The following CST5 variants were observed in gnomAD, a reference collection of about 807,000 sequenced individuals.
The protein encoded by CST5 is cystatin D.
CST5 carries 13 observed loss-of-function variants against 11.5 expected under a neutral mutation model. That is an observed-to-expected ratio of 1.13 (90% CI 0.73 to 1.79). CST5 has a LOEUF of 1.79. Among genes scored for constraint, CST5 ranks in the 40% most tolerant of loss-of-function variants. CST5 has a pLI of 0.00. For synonymous variants in CST5, 81 were observed against 67.6 expected (o/e 1.20, Z -0.97); for missense variants, 219 against 174.5 (o/e 1.25, Z -1.44).
intron 1 of CST5, among the ~76,000 whole-genome samples, chr20:23,878,097 C>A (rs1289495655): frequency 6.6e-6 from 1 of 152,166 alleles, no homozygotes; most frequent in Non-Finnish European, 1.5e-5. Context: ...AGGAAGGCTG[C>A]CACCTGATGA....
At chr20:23,876,325 G>T (rs1450278687) in intron 2 of CST5, 54 bp from the exon 3 acceptor site, 9 of 1,425,776 alleles carry the variant, frequency 6.3e-6, no homozygotes, top group Non-Finnish European at 8.9e-6. Flanking sequence ...TAAAGCCAAA[G>T]ATGCCCAGGA....
intron 2 of CST5, 75 bp from the exon 3 acceptor site, chr20:23,876,346 AGAATGGGGGT>A: frequency 8.3e-7 from 1 of 1,201,090 alleles, no homozygotes; most frequent in South Asian, 1.3e-5. Flanking sequence ...ATGGGACATC[AGAATGGGGGT>A]GAAAATGGTT....
In CST5 at chr20:23,876,016, G is replaced by A. The variant is rs1568569012; in HGVS notation, c.*172C>T. The A allele has an allele frequency of 3.6e-6, 2 of 559,904 alleles. No homozygotes were observed. Among genetic ancestry groups the A allele is most frequent in the African/African-American group, 1.9e-5 (1 of 53,604 alleles). 34.7% of individuals were successfully genotyped at this position (559,904 alleles called of 1,614,324 possible). ...ATGAGAAGCAAGAAGGAAGGAGCAA[G>A]GGCAGAGCCTCCTGCTGAGCAACAA... On this transcript the variant is annotated 3_prime_UTR_variant, in exon 3 of 3. Transcript: ENST00000304710.
intron 2 of CST5, among the ~76,000 whole-genome samples, chr20:23,876,522 G>T (rs1005322835): frequency 2.0e-5 from 3 of 152,174 alleles, no homozygotes; most frequent in Non-Finnish European, 4.4e-5. Context: ...TCCTGTCCCA[G>T]CGCAGCCCTA....
chr20:23,877,545 A>G lies in CST5; in HGVS notation c.305T>C (p.Leu102Ser). ...CTGGTCATTGAAGGGACAGTTGTCC[A>G]AGTTGGGCTGGGACTTGGTGCATGT... ...RTTCTKSQPN[L>S]DNCPFNDQPK... Residue 102 changes from leucine (L) to serine (S), a missense_variant, in exon 2 of 3, where the codon TTG (leucine) becomes TCG (serine). Transcript: ENST00000304710. The G allele has an allele frequency of 6.2e-7, 1 of 1,614,174 alleles. No individual in the cohort carries two copies. Among genetic ancestry groups the G allele is most frequent in the Non-Finnish European group, 8.5e-7 (1 of 1,180,012 alleles).
chr20:23,876,334 G>A lies in CST5; in HGVS notation c.346-63C>T, dbSNP rs902486732. 7 of 1,317,232 alleles carry A rather than the reference G, an allele frequency of 5.3e-6. No homozygotes were observed. In the African/African-American group the frequency reaches 8.7e-5, roughly 16 times the overall value. 81.6% of individuals were successfully genotyped at this position (1,317,232 alleles called of 1,614,324 possible). Reference sequence around the variant, plus strand: ...TACAGTTAAAGCCAAAGATGCCCAGGAATGGGACATCAGAATGGGGGTGAA... The same window carrying A: ...TACAGTTAAAGCCAAAGATGCCCAGAAATGGGACATCAGAATGGGGGTGAA... On this transcript the variant is annotated intron_variant, in intron 2 of 2. Transcript: ENST00000304710.
At chr20:23,878,182 T>C (rs538738885) in intron 1 of CST5, among the ~76,000 whole-genome samples, 2 of 152,288 alleles carry the variant, frequency 1.3e-5, no homozygotes, top group East Asian at 3.9e-4. Context: ...AACCCAGAGG[T>C]ATTTTTCCTC....
At position 23,879,508 on chromosome 20, in the gene CST5, T is replaced by A. The variant is rs1341689626; in HGVS notation, c.169A>T (p.Lys57Ter). 6.2e-7 allele frequency: 1 copy of A among 1,613,880 alleles called. No individual in the cohort carries two copies. Reference sequence around the variant, plus strand: ...TAGTACTCATCCTTATTAATGACCTTGTTGTACTCGCTGATGGCAAAGTCC... The same window carrying A: ...TAGTACTCATCCTTATTAATGACCTAGTTGTACTCGCTGATGGCAAAGTCC... ...ALDFAISEYN[K>*]VINKDEYYSR... Residue 57 changes from lysine (K) to a stop codon, truncating the protein, a stop_gained, in exon 1 of 3, where the codon AAG (lysine) becomes TAG (stop). Transcript: ENST00000304710. LOFTEE classifies it high-confidence loss of function.
At chr20:23,876,542 GC>G (rs1260818237) in intron 2 of CST5, among the ~76,000 whole-genome samples, 1 of 152,208 alleles carries the variant, frequency 6.6e-6, no homozygotes, top group Non-Finnish European at 1.5e-5. Context: ...ATGAGGAGCA[GC>G]CTGTGCAAGG....
chr20:23,879,548 A>C lies in CST5; in HGVS notation c.129T>G (p.Ser43Arg). 1 of 1,613,768 alleles carries C rather than the reference A, an allele frequency of 6.2e-7. No individual in the cohort carries two copies. Among genetic ancestry groups the C allele is most frequent in the South Asian group, 1.1e-5 (1 of 91,054 alleles). ...TGGCAAAGTCCAGGGCACACTGCAC[A>C]CTCTTGTCATTGAGGTCTGTGGCAT... ...GIHATDLNDKSVQCALDFAIS... is the reference protein window; with the variant it reads ...GIHATDLNDKRVQCALDFAIS... The change falls in exon 1 of 3, where the codon AGT becomes AGG. Residue 43 changes from serine (S) to arginine (R), a missense_variant. Ser to Arg is a moderately radical substitution (Grantham distance 110, BLOSUM62 -1). Transcript: ENST00000304710.
chr20:23,876,214 G>A lies in CST5; in HGVS notation c.403C>T (p.Leu135=), dbSNP rs775104063. 6.8e-6 allele frequency: 11 copies of A among 1,613,944 alleles called. 1 individual carries two copies. In the South Asian group the frequency reaches 8.8e-5, roughly 13 times the overall value. ...TAGACTTTCCGGCACTTGTAGTTCA[G>A]AATGGAAATTTTATCCTCCCAGGGA... is the stretch of plus-strand genomic sequence containing the variant. ...EVPWEDKISI[L]NYKCRKV is the part of the protein sequence containing the mutation. The change falls in exon 3 of 3, where the codon CTG becomes TTG. Residue 135 remains leucine (L), a synonymous_variant. Coordinates refer to ENST00000304710, the MANE Select transcript of CST5 (RefSeq NM_001900.5).
chr20:23,877,528 T>C lies in CST5; in HGVS notation c.322A>G (p.Asn108Asp). The change falls in exon 2 of 3, where the codon AAT (asparagine) becomes GAT (aspartate). Residue 108 changes from asparagine (N) to aspartate (D), a missense_variant. Asn to Asp is a conservative substitution (Grantham distance 23). Transcript: ENST00000304710. ...ACCTCTTTCAGTTTTGGCTGGTCAT[T>C]GAAGGGACAGTTGTCCAAGTTGGGC... ...SQPNLDNCPF[N>D]DQPKLKEEEF... 5 of 1,614,086 alleles carry C rather than the reference T, an allele frequency of 3.1e-6. No homozygotes were observed. The highest frequency in any genetic ancestry group is 1.3e-5 in the African/African-American group (1 of 75,014).
rs1985953101 is a variant in CST5, at chr20:23,876,012, G to A, written c.*176C>T. 1 of 549,448 alleles carries A rather than the reference G, an allele frequency of 1.8e-6. No individual in the cohort carries two copies. The highest frequency in any genetic ancestry group is 2.9e-5 in the East Asian group (1 of 34,398). 34.0% of individuals were successfully genotyped at this position (549,448 alleles called of 1,614,324 possible). A position where few individuals can be genotyped will look rare whatever the true frequency, so the allele number is the denominator to read the frequency against. The stretch of plus-strand genomic sequence containing the variant: ...GGCTATGAGAAGCAAGAAGGAAGGA[G>A]CAAGGGCAGAGCCTCCTGCTGAGCA... On this transcript the variant is annotated 3_prime_UTR_variant, in exon 3 of 3. Transcript: ENST00000304710.
In CST5 at chr20:23,877,563, G is replaced by A. The variant is rs41282292; in HGVS notation, c.287C>T (p.Thr96Ile). The change falls in exon 2 of 3, where the codon ACC (threonine) becomes ATC (isoleucine). Residue 96 changes from threonine (T) to isoleucine (I), a missense_variant. Coordinates refer to ENST00000304710, the MANE Select transcript of CST5 (RefSeq NM_001900.5). ...GTTGTCCAAGTTGGGCTGGGACTTGGTGCATGTGGTTCGACCGAACTTCAC... is the reference window on the plus strand; with the variant it reads ...GTTGTCCAAGTTGGGCTGGGACTTGATGCATGTGGTTCGACCGAACTTCAC... The part of the protein sequence containing the change: ...FNVKFGRTTC[T>I]KSQPNLDNCP... The A allele has an allele frequency of 6.9e-4, 1,106 of 1,614,156 alleles. 2 individuals carry two copies. The highest frequency in any genetic ancestry group is 8.9e-4 in the Non-Finnish European group (1,050 of 1,180,004).
chr20:23,876,310 A>G, intron 2 of CST5, 39 bp from the exon 3 acceptor site: 2 of 1,536,326 alleles, frequency 1.3e-6, no homozygotes, highest in Non-Finnish European at 9.0e-7. Context: ...ACTGTGGGTT[A>G]CAGTTAAAGC....
chr20:23,876,081 G>A lies in CST5; in HGVS notation c.*107C>T, dbSNP rs1985954719. The A allele has an allele frequency of 1.3e-6, 1 of 777,202 alleles. No individual in the cohort carries two copies. The highest frequency in any genetic ancestry group is 2.3e-5 in the Admixed American group (1 of 44,280). 48.1% of individuals were successfully genotyped at this position (777,202 alleles called of 1,614,324 possible). A position where few individuals can be genotyped will look rare whatever the true frequency, so the allele number is the denominator to read the frequency against. ...CTTCTGTGTCTGTCTCCTGGTGCAG[G>A]CGCATGAGGAGACCTCCCCCAGGGT... is the stretch of plus-strand genomic sequence containing the variant. On this transcript the variant is annotated 3_prime_UTR_variant, in exon 3 of 3. Coordinates refer to ENST00000304710, the MANE Select transcript of CST5 (RefSeq NM_001900.5).
chr20:23,878,069 G>A (rs989437226), intron 1 of CST5, among the ~76,000 whole-genome samples: 9 of 152,118 alleles, frequency 5.9e-5, no homozygotes, highest in Non-Finnish European at 1.3e-4. Flanking sequence ...CAGGGGGCAG[G>A]GACACTGGTC....
rs913615087 is a variant in CST5, at chr20:23,877,616, G to A, written c.234C>T (p.Ile78=). Residue 78 remains isoleucine, a splice_region_variant and synonymous_variant, in exon 2 of 3, where the codon ATC becomes ATT. Coordinates refer to ENST00000304710, the MANE Select transcript of CST5 (RefSeq NM_001900.5). ...TGAAGTAGTAGTTCACCCCACCCAC[G>A]ATCTACACGCGTGGAAGAGCAGGAA... ...PLQVMAAYQQ[I]VGGVNYYFNV... 6.9e-6 allele frequency: 11 copies of A among 1,599,274 alleles called. No homozygotes were observed. The highest frequency in any genetic ancestry group is 1.1e-5 in the South Asian group (1 of 90,534).
chr20:23,876,915 C>A (rs771308130), intron 2 of CST5, among the ~76,000 whole-genome samples: 14 of 152,144 alleles, frequency 9.2e-5, no homozygotes, highest in Non-Finnish European at 1.5e-4. Context: ...TGACCAGAAC[C>A]CAGCCCAGCA....
Sources: gnomAD v4.1 joint callset for allele counts (sites outside exome capture counted in the v4.1 genomes callset) on GRCh38, gnomAD v4.1.1 for gene constraint, MANE v1.5 for transcripts, NCBI Gene and HGNC (gene_info 2026-07-23, HGNC 2026-07-21) for gene names.